The following DYNC2I2 variants were observed in gnomAD, a reference collection of about 807,000 sequenced individuals.
The protein encoded by DYNC2I2 is dynein 2 intermediate chain 2.
A neutral mutation model predicts 52.0 loss-of-function variants in DYNC2I2; 39 were observed. The observed-to-expected ratio is 0.75, with a 90% CI of 0.58 to 0.98. The LOEUF is 0.98. Ranked by LOEUF, DYNC2I2 falls within the 50% of genes least tolerant of loss-of-function variation. The pLI is 0.00. For synonymous variants in DYNC2I2, 359 were observed against 321.1 expected (o/e 1.12, Z -1.26); for missense variants, 743 against 728.4 (o/e 1.02, Z -0.23).
At chr9:128,646,992 G>T (rs1168821921) in intron 1 of DYNC2I2, among the ~76,000 whole-genome samples, 1 of 152,130 alleles carries the variant, frequency 6.6e-6, no homozygotes, top group Non-Finnish European at 1.5e-5. Context: ...AGGCGTGGTG[G>T]AGCGTGCCTG....
At chr9:128,670,300 C>T in the DYNC2I2 span, among the ~76,000 whole-genome samples, 1 of 150,476 alleles carries the variant, frequency 6.6e-6, no homozygotes, top group East Asian at 2.0e-4. Flanking sequence ...AATAGCTGGG[C>T]GTCGTGGTGG....
At chr9:128,635,620 C>T in intron 5 of DYNC2I2, 38 bp downstream of exon 5, 3 of 1,550,300 alleles carry the variant, frequency 1.9e-6, no homozygotes, top group Non-Finnish European at 2.6e-6. Flanking sequence ...CCCAGCTCTG[C>T]CTCAGGGCCC....
At chr9:128,648,648 A>T (rs1253015764) in intron 1 of DYNC2I2, among the ~76,000 whole-genome samples, 3 of 151,326 alleles carry the variant, frequency 2.0e-5, no homozygotes, top group Non-Finnish European at 4.4e-5. Flanking sequence ...AAAAAAAAAA[A>T]AATTAGCCAA....
chr9:128,644,769 C>T (rs1860582938), intron 1 of DYNC2I2, among the ~76,000 whole-genome samples: 1 of 152,232 alleles, frequency 6.6e-6, no homozygotes, highest in East Asian at 1.9e-4. Context: ...GCCTATCGGG[C>T]CATTTTCCCT....
intron 1 of DYNC2I2, among the ~76,000 whole-genome samples, chr9:128,654,993 G>A (rs1328857728): frequency 6.6e-6 from 1 of 151,978 alleles, no homozygotes; most frequent in Non-Finnish European, 1.5e-5. Flanking sequence ...CTCGAGGAGG[G>A]AGAGATGTCC....
chr9:128,635,282 C>T, intron 5 of DYNC2I2, 23 bp from the exon 6 acceptor site: 9 of 1,609,944 alleles, frequency 5.6e-6, no homozygotes, highest in Non-Finnish European at 7.6e-6. Context: ...CATGCAGGGC[C>T]AGGATGGAGA....
rs1376350783 is a variant in DYNC2I2 at position 128,635,535 on chromosome 9, G to C, written c.813+123C>G. On this transcript the variant is annotated intron_variant, in intron 5 of 8. Coordinates refer to ENST00000372715, the MANE Select transcript of DYNC2I2 (RefSeq NM_052844.4). ...GAGGGGGGTGACTCATGCTGCGGGA[G>C]CTCCGAGAATGCAGGAGGCAGCTGT... The C allele has an allele frequency of 1.3e-5, 12 of 930,782 alleles. No individual in the cohort carries two copies. In the East Asian group the frequency reaches 2.9e-4, roughly 23 times the overall value. 57.7% of individuals were successfully genotyped at this position (930,782 alleles called of 1,614,324 possible).
At chr9:128,634,193 T>G in intron 8 of DYNC2I2, 33 bp downstream of exon 8, 2 of 1,612,044 alleles carry the variant, frequency 1.2e-6, no homozygotes. Flanking sequence ...ACCCACCCCT[T>G]AAACAGATCC....
At chr9:128,665,333 G>A in the DYNC2I2 span, among the ~76,000 whole-genome samples, 6 of 152,168 alleles carry the variant, frequency 3.9e-5, no homozygotes, top group East Asian at 9.7e-4. Context: ...ATACAGGCGT[G>A]AGCCACCGTG....
chr9:128,652,553 G>C (rs1589436659), intron 1 of DYNC2I2, among the ~76,000 whole-genome samples: 1 of 150,400 alleles, frequency 6.6e-6, no homozygotes, highest in East Asian at 1.9e-4. Flanking sequence ...AACCCGGGAG[G>C]TGTAGGTTGC....
the DYNC2I2 span, among the ~76,000 whole-genome samples, chr9:128,670,855 G>C: frequency 1.7e-4 from 26 of 151,994 alleles, no homozygotes; most frequent in African/African-American, 6.3e-4. Flanking sequence ...CCCGAGGTCA[G>C]GAGTTGGAGA....
intron 1 of DYNC2I2, among the ~76,000 whole-genome samples, chr9:128,644,677 G>C (rs554477204): frequency 1.4e-4 from 21 of 152,300 alleles, no homozygotes; most frequent in African/African-American, 4.6e-4. Context: ...CGCACCACGT[G>C]TCACTGCGCT....
intron 4 of DYNC2I2, 167 bp downstream of exon 4, chr9:128,636,114 C>T (rs1293894350): frequency 1.4e-5 from 15 of 1,083,978 alleles, no homozygotes; most frequent in Non-Finnish European, 1.9e-5. Flanking sequence ...CCGAGTTCCA[C>T]CCCTCAGGGC....
the DYNC2I2 span, among the ~76,000 whole-genome samples, chr9:128,675,987 G>T: frequency 1.3e-5 from 2 of 152,078 alleles, no homozygotes; most frequent in Non-Finnish European, 2.9e-5. Flanking sequence ...GGGTAATATA[G>T]CAAGACCCTG....
At chr9:128,661,024 G>C (rs1265612069), upstream of DYNC2I2, among the ~76,000 whole-genome samples, 1 of 152,008 alleles carries the variant, frequency 6.6e-6, no homozygotes, top group African/African-American at 2.4e-5. Context: ...CACTGCGCCA[G>C]GTCAAAGCTG....
the DYNC2I2 span, among the ~76,000 whole-genome samples, chr9:128,681,385 C>G: frequency 6.6e-6 from 1 of 152,264 alleles, no homozygotes; most frequent in Non-Finnish European, 1.5e-5. Context: ...GCCACCTCGT[C>G]TGGCCCATTT....
At chr9:128,673,629 C>T in the DYNC2I2 span, among the ~76,000 whole-genome samples, 5 of 151,756 alleles carry the variant, frequency 3.3e-5, no homozygotes, top group African/African-American at 9.7e-5. Flanking sequence ...CCTCAGCCTC[C>T]CGAGTAGCTG....
chr9:128,634,900 C>A lies in DYNC2I2; in HGVS notation c.1003G>T (p.Val335Leu). The A allele has an allele frequency of 3.1e-6, 5 of 1,612,856 alleles. No individual in the cohort carries two copies. Among genetic ancestry groups the A allele is most frequent in the East Asian group, 2.2e-5 (1 of 44,876 alleles). The change falls in exon 7 of 9, where the codon GTG (valine) becomes TTG (leucine). Residue 335 changes from valine to leucine, a missense_variant. Transcript: ENST00000372715. ...LKKHPRGETEVGATAVAFSSF... is the reference protein window; with the variant it reads ...LKKHPRGETELGATAVAFSSF... Reference sequence around the variant, plus strand: ...GAGAAGGCCACTGCCGTGGCGCCCACCTCGGTCTCCCCGCGGGGATGCTGT... The same window carrying A: ...GAGAAGGCCACTGCCGTGGCGCCCAACTCGGTCTCCCCGCGGGGATGCTGT...
intron 5 of DYNC2I2, 81 bp downstream of exon 5, chr9:128,635,577 G>C: frequency 7.6e-7 from 1 of 1,310,478 alleles, no homozygotes. Context: ...GCCAACGCCC[G>C]GGTGACCTTC....
Sources: gnomAD v4.1 joint callset for allele counts (sites outside exome capture counted in the v4.1 genomes callset) on GRCh38, gnomAD v4.1.1 for gene constraint, MANE v1.5 for transcripts, NCBI Gene and HGNC (gene_info 2026-07-23, HGNC 2026-07-21) for gene names.